LRRC9: variants seen among roughly 807,000 people sequenced by gnomAD.
LRRC9 encodes leucine-rich repeat-containing protein 9.
LRRC9 carries 122 observed loss-of-function variants against 63.2 expected under a neutral mutation model. The observed-to-expected ratio is 1.93, with a 90% CI of 1.67 to 2.24. The LOEUF (loss-of-function observed/expected upper bound fraction) is 2.24, where lower values mean the gene tolerates loss of function less well. Ranked by LOEUF, LRRC9 falls within the 30% of genes most tolerant of loss-of-function variation. LRRC9 has a pLI of 0.00. For missense variants in LRRC9, 1,071 were observed against 627.7 expected (o/e 1.71, Z -7.55); for synonymous variants, 366 against 213.1 (o/e 1.72, Z -6.25).
Position 59,964,856 on chromosome 14 carries a change from G to A in LRRC9, c.1212-1733G>A, listed in dbSNP as rs146176698. On this transcript the variant is annotated intron_variant, in intron 10 of 31. Transcript: ENST00000445360. The surrounding 1 kb of genome is among the most constrained non-coding windows in gnomAD (Gnocchi z 4.4). ...TGCGAGCTCCTCTGGGATTAGTTTG[G>A]TTTAGGCAGCTCTCCTTTCAACTCT... 9.2e-5 allele frequency among the ~76,000 whole-genome samples: 14 copies of A among 152,246 alleles called. No individual in the cohort carries two copies. The highest frequency in any genetic ancestry group is 3.4e-4 in the African/African-American group (14 of 41,556).
At chr14:60,063,442 TAAAAAA>T in exon 32 of LRRC9, 2 of 590,490 alleles carry the variant, frequency 3.4e-6, no homozygotes, top group Non-Finnish European at 6.0e-6. Context: ...AGTGGTCAGT[TAAAAAA>T]AAAAAAAAAA....
At chr14:59,935,603 G>A (rs1890078473) in intron 6 of LRRC9, among the ~76,000 whole-genome samples, 1 of 152,190 alleles carries the variant, frequency 6.6e-6, no homozygotes, top group Admixed American at 6.5e-5. Context: ...AGAGATCAGA[G>A]AGAGCTATGA....
At chr14:60,030,674 T>A (rs1240374514) in intron 28 of LRRC9, among the ~76,000 whole-genome samples, 1 of 151,990 alleles carries the variant, frequency 6.6e-6, no homozygotes, top group Non-Finnish European at 1.5e-5. Flanking sequence ...AACAGTTGGC[T>A]CTCCAAGAGG....
chr14:60,053,208 A>C lies in LRRC9; in HGVS notation c.4131+3A>C. On this transcript the variant is annotated splice_donor_region_variant and intron_variant, in intron 30 of 31. Transcript: ENST00000445360. The surrounding 1 kb of genome is among the most constrained non-coding windows in gnomAD (Gnocchi z 4.8). ...AACTACAAGCAAAGAAAAACTCGGT[A>C]ATAATTATATTATTTACAATTTTCC... is the stretch of plus-strand genomic sequence containing the variant. 2.9e-6 allele frequency: 2 copies of C among 696,248 alleles called. No homozygotes were observed. Among genetic ancestry groups the C allele is most frequent in the South Asian group, 3.0e-5 (2 of 65,936 alleles). The allele number at this position is 696,248 out of a possible 1,614,324, so 43.1% of individuals were successfully genotyped here.
Position 60,027,416 on chromosome 14 carries a change from A to T in LRRC9, c.3704-468A>T, listed in dbSNP as rs1247291491. On this transcript the variant is annotated intron_variant, in intron 27 of 31. Transcript: ENST00000445360. This position sits in a 1 kb window ranked among gnomAD's most constrained non-coding sequence, Gnocchi z 4.0. The stretch of plus-strand genomic sequence containing the variant: ...ACTTTGATGTGTTTAATATGATTGC[A>T]GTGCAAAAATATGAGAAAGAACAGC... 6.6e-6 allele frequency among the ~76,000 whole-genome samples: 1 copy of T among 152,116 alleles called. No individual in the cohort carries two copies. Among genetic ancestry groups the T allele is most frequent in the Non-Finnish European group, 1.5e-5 (1 of 67,986 alleles).
At chr14:59,967,272 T>C (rs747573877) in intron 12 of LRRC9, 59 bp downstream of exon 12, 2 of 507,626 alleles carry the variant, frequency 3.9e-6, no homozygotes, top group Non-Finnish European at 7.3e-6. Context: ...GCTCTGCCGC[T>C]GGTTAAGCAT....
Position 59,932,112 on chromosome 14 carries a change from C to T in LRRC9, c.543+73C>T, listed in dbSNP as rs1198122286. The T allele has an allele frequency of 9.3e-6, 6 of 645,622 alleles. No individual in the cohort carries two copies. The highest frequency in any genetic ancestry group is 2.7e-5 in the Admixed American group (1 of 37,652). 40.0% of individuals were successfully genotyped at this position (645,622 alleles called of 1,614,324 possible). A position where few individuals can be genotyped will look rare whatever the true frequency, so the allele number is the denominator to read the frequency against. ...GAACCATTGTGTTGCAGAAACTGTA[C>T]TAAAAAGTCCCCCATTAAGGAATAA... On this transcript the variant is annotated intron_variant, in intron 6 of 31. Coordinates refer to ENST00000445360, the Ensembl canonical transcript of LRRC9. This position sits in a 1 kb window ranked among gnomAD's most constrained non-coding sequence, Gnocchi z 4.7.
intron 27 of LRRC9, among the ~76,000 whole-genome samples, chr14:60,026,451 C>A (rs1238707830): frequency 6.6e-6 from 1 of 151,860 alleles, no homozygotes; most frequent in Non-Finnish European, 1.5e-5. Flanking sequence ...GTTGTTTGGG[C>A]TCCTTATATA....
intron 15 of LRRC9, among the ~76,000 whole-genome samples, chr14:59,980,450 T>C (rs1223887799): frequency 6.6e-6 from 1 of 152,180 alleles, no homozygotes; most frequent in East Asian, 1.9e-4. Flanking sequence ...CCACTCATCT[T>C]TTTAAACTTT....
At chr14:59,999,424 C>CATACATGGATAGTG (rs1889135228) in intron 19 of LRRC9, among the ~76,000 whole-genome samples, 198 bp downstream of exon 19, 1 of 152,020 alleles carries the variant, frequency 6.6e-6, no homozygotes, top group East Asian at 1.9e-4. Flanking sequence ...TATGGATTCT[C>CATACATGGATAGTG]TTGACTATCC....
chr14:60,040,423 G>C (rs1400760434), intron 29 of LRRC9, among the ~76,000 whole-genome samples: 1 of 151,914 alleles, frequency 6.6e-6, no homozygotes, highest in East Asian at 1.9e-4. Context: ...CTAAGGACTT[G>C]CTTTATGAAT....
At chr14:60,066,546 G>C (rs1053473046), downstream of LRRC9, among the ~76,000 whole-genome samples, 5 of 152,018 alleles carry the variant, frequency 3.3e-5, no homozygotes, top group Non-Finnish European at 5.9e-5. Flanking sequence ...ATAAAACTTA[G>C]AGCTTCTGGA....
intron 8 of LRRC9, among the ~76,000 whole-genome samples, chr14:59,953,761 C>T (rs766425221): frequency 1.3e-4 from 20 of 152,086 alleles, no homozygotes; most frequent in Non-Finnish European, 2.8e-4. Context: ...ATGGTATTGC[C>T]TAGGTTTTCT....
At chr14:60,029,436 C>T (rs219404) in intron 28 of LRRC9, among the ~76,000 whole-genome samples, 113,948 of 151,996 alleles carry the variant, frequency 0.75, 44,729 homozygotes, top group Non-Finnish European at 0.87. Context: ...CTTGAAATTA[C>T]GTGACATTTT....
intron 8 of LRRC9, among the ~76,000 whole-genome samples, chr14:59,955,063 T>A (rs1883586950): frequency 6.6e-6 from 1 of 152,220 alleles, no homozygotes; most frequent in South Asian, 2.1e-4. Flanking sequence ...TATTGAGGAT[T>A]TTTGCATCAA....
chr14:60,035,639 GA>G (rs556203072), intron 29 of LRRC9, among the ~76,000 whole-genome samples: 2 of 152,144 alleles, frequency 1.3e-5, no homozygotes, highest in Non-Finnish European at 2.9e-5. Flanking sequence ...TGTCAAAGAT[GA>G]ATTGACTGTA....
chr14:60,065,411 G>C (rs961611114), downstream of LRRC9, among the ~76,000 whole-genome samples: 2 of 150,938 alleles, frequency 1.3e-5, no homozygotes, highest in East Asian at 2.0e-4. Flanking sequence ...ACTTTAGGCG[G>C]CCAAGGTGGG....
intron 3 of LRRC9, among the ~76,000 whole-genome samples, chr14:59,929,684 T>C (rs949259458): frequency 5.3e-5 from 8 of 152,088 alleles, no homozygotes; most frequent in Admixed American, 3.9e-4. Flanking sequence ...TAAATGCCCA[T>C]CAGTAGTAGA....
In LRRC9 at chr14:59,966,355, C is replaced by G. The variant is rs1884856593; in HGVS notation, c.1212-234C>G. ...TAAGAGGAAGGCGTATGAAGTTTCCCTGAAGCTAAGAAAGTGTTTCAGAAA... is the reference window on the plus strand; with the variant it reads ...TAAGAGGAAGGCGTATGAAGTTTCCGTGAAGCTAAGAAAGTGTTTCAGAAA... On this transcript the variant is annotated intron_variant, in intron 10 of 31. Coordinates refer to ENST00000445360, the Ensembl canonical transcript of LRRC9. This position sits in a 1 kb window ranked among gnomAD's most constrained non-coding sequence, Gnocchi z 4.0. 6.6e-6 allele frequency among the ~76,000 whole-genome samples: 1 copy of G among 152,120 alleles called. No homozygotes were observed. Among genetic ancestry groups the G allele is most frequent in the Admixed American group, 6.5e-5 (1 of 15,286 alleles).
Sources: allele counts gnomAD v4.1 joint callset (sites outside exome capture counted in the v4.1 genomes callset), GRCh38; gene constraint gnomAD v4.1.1; non-coding constraint Gnocchi (gnomAD v3.1); transcripts MANE v1.5; gene names NCBI Gene and HGNC (gene_info 2026-07-23, HGNC 2026-07-21).